The following EIF3B variants were observed in gnomAD, a reference collection of about 807,000 sequenced individuals.
EIF3B encodes eukaryotic translation initiation factor 3 subunit B, also known as eukaryotic translation initiation factor 3 subunit 9.
EIF3B carries 10 observed loss-of-function variants against 104.6 expected under a neutral mutation model. The observed-to-expected ratio is 0.10, with a 90% CI of 0.06 to 0.16. EIF3B has a LOEUF of 0.16. Ranked by LOEUF, EIF3B falls within the 10% of genes least tolerant of loss-of-function variation. EIF3B has a pLI of 1.00. For synonymous variants in EIF3B, 542 were observed against 417.2 expected (o/e 1.30, Z -3.65); for missense variants, 1,014 against 1,087.9 (o/e 0.93, Z 0.96).
At chr7:2,379,101 C>G in intron 16 of EIF3B, 33 bp from the exon 17 acceptor site, 1 of 1,594,082 alleles carries the variant, frequency 6.3e-7, no homozygotes, top group East Asian at 2.2e-5. Context: ...ACTTGTCTTA[C>G]CAGTTCTGTG....
At chr7:2,362,913 GC>G in intron 3 of EIF3B, 149 bp downstream of exon 3, 1 of 1,437,082 alleles carries the variant, frequency 7.0e-7, no homozygotes. Flanking sequence ...TCACAGCCCT[GC>G]CCCACACTTC....
At position 2,362,764 on chromosome 7, in the gene EIF3B, A is replaced by G; in HGVS notation, c.812A>G (p.Lys271Arg). The G allele has an allele frequency of 1.2e-6, 2 of 1,614,176 alleles. No homozygotes were observed. Among genetic ancestry groups the G allele is most frequent in the Non-Finnish European group, 1.7e-6 (2 of 1,180,030 alleles). ...GTCAACCTCTTTACGGATTTTGACA[A>G]GTGAGTTCAGACTTGGCCACAAGGA... ...FRVNLFTDFD[K>R]YMTISDEWDI... Residue 271 changes from lysine to arginine, a missense_variant and splice_region_variant, in exon 3 of 19, where the codon AAG becomes AGG. Physicochemically the swap from Lys to Arg is conservative, Grantham distance 26. This residue lies in a region of EIF3B where 488 missense variants were observed against 404.3 expected (regional missense o/e 1.21). Coordinates refer to ENST00000360876, the MANE Select transcript of EIF3B (RefSeq NM_001037283.2).
chr7:2,358,017 T>A (rs1347384701), intron 1 of EIF3B, among the ~76,000 whole-genome samples: 2 of 10,518 alleles, frequency 1.9e-4, no homozygotes, highest in African/African-American at 3.8e-4. Context: ...CTTTTTCCCT[T>A]TTTTTTTCTC....
chr7:2,377,455 CAAAGTG>C (rs893951216), intron 15 of EIF3B, among the ~76,000 whole-genome samples: 2 of 152,124 alleles, frequency 1.3e-5, no homozygotes, highest in Admixed American at 6.5e-5. Flanking sequence ...AAGTCCGTCT[CAAAGTG>C]AAAGATGGAG....
At chr7:2,368,599 G>A (rs574408426) in intron 9 of EIF3B, among the ~76,000 whole-genome samples, 10 of 152,260 alleles carry the variant, frequency 6.6e-5, no homozygotes, top group Non-Finnish European at 8.8e-5. Flanking sequence ...GCCTTGAGTC[G>A]GCTTCCTTCC....
rs1416061741 is a variant in EIF3B at position 2,362,669 on chromosome 7, C to T, written c.717C>T (p.Ser239=). 3.7e-6 allele frequency: 6 copies of T among 1,614,198 alleles called. No individual in the cohort carries two copies. The highest frequency in any genetic ancestry group is 1.1e-5 in the South Asian group (1 of 91,088). ...TKGYIFLEYA[S]PAHAVDAVKN... ...GGTATATTTTCCTGGAGTACGCGTC[C>T]CCTGCCCACGCTGTGGATGCTGTGA... Residue 239 remains serine (S), a synonymous_variant, in exon 3 of 19, where the codon TCC becomes TCT. Transcript: ENST00000360876.
At position 2,363,724 on chromosome 7, in the gene EIF3B, T is replaced by C; in HGVS notation, c.963T>C (p.Asn321=). 1 of 1,614,104 alleles carries C rather than the reference T, an allele frequency of 6.2e-7. No homozygotes were observed. Among genetic ancestry groups the C allele is most frequent in the Non-Finnish European group, 8.5e-7 (1 of 1,180,002 alleles). Residue 321 remains asparagine, a synonymous_variant, in exon 5 of 19, where the codon AAT becomes AAC. Transcript: ENST00000360876. ...ESGDRTSIFW[N]DVKDPVSIEE... is the part of the protein sequence containing the mutation. Reference sequence around the variant, plus strand: ...GAGACCGCACTTCCATATTCTGGAATGACGTAAAAGACCCTGTCTCAATTG... The same window carrying C: ...GAGACCGCACTTCCATATTCTGGAACGACGTAAAAGACCCTGTCTCAATTG...
At chr7:2,365,030 G>A (rs1415090290) in intron 6 of EIF3B, among the ~76,000 whole-genome samples, 1 of 152,220 alleles carries the variant, frequency 6.6e-6, no homozygotes, top group Non-Finnish European at 1.5e-5. Flanking sequence ...CAGGCTCATT[G>A]CAACCCCAGC....
chr7:2,369,741 G>A lies in EIF3B; in HGVS notation c.1614+59G>A, dbSNP rs1428595358. The A allele has an allele frequency of 4.3e-6, 5 of 1,168,636 alleles. No individual in the cohort carries two copies. The East Asian group carries it at 7.2e-5, about 17-fold the overall frequency. 72.4% of individuals were successfully genotyped at this position (1,168,636 alleles called of 1,614,324 possible). On this transcript the variant is annotated intron_variant, in intron 10 of 18. Coordinates refer to ENST00000360876, the MANE Select transcript of EIF3B (RefSeq NM_001037283.2). ...TATCCTGAGCTCTGAAGTGGCCACC[G>A]TATTGTTTGGAGGGTGTTAATGGAT...
chr7:2,373,789 G>A (rs1029664641), intron 12 of EIF3B: 3 of 152,234 alleles, frequency 2.0e-5, no homozygotes, highest in Admixed American at 1.3e-4. Flanking sequence ...GTTTGGCATG[G>A]ACGCTGGGGC....
chr7:2,370,630 A>G (rs1780280825), intron 10 of EIF3B, among the ~76,000 whole-genome samples: 1 of 151,986 alleles, frequency 6.6e-6, no homozygotes, highest in Admixed American at 6.5e-5. Flanking sequence ...GTGTGTTCAG[A>G]GTTATGCAGC....
Position 2,377,025 on chromosome 7 carries a change from C to T in EIF3B, c.2104C>T (p.Leu702=). The change falls in exon 15 of 19, where the codon CTG becomes TTG. Residue 702 remains leucine, a synonymous_variant. Transcript: ENST00000360876. ...QKNNKDRFCQ[L]LWRPRPPTLL... ...GAACAACAAGGACCGCTTCTGCCAG[C>T]TGCTGTGGCGGCCCCGGCCTCCCAC... 6.2e-7 allele frequency: 1 copy of T among 1,613,860 alleles called. No individual in the cohort carries two copies.
At chr7:2,355,678 C>T (rs1273167219) in intron 1 of EIF3B, among the ~76,000 whole-genome samples, 1 of 152,158 alleles carries the variant, frequency 6.6e-6, no homozygotes, top group Non-Finnish European at 1.5e-5. Flanking sequence ...TGCATGACAA[C>T]CAGAAATCTG....
intron 1 of EIF3B, among the ~76,000 whole-genome samples, chr7:2,357,240 C>T (rs1779495504): frequency 2.0e-5 from 3 of 152,266 alleles, no homozygotes; most frequent in South Asian, 4.1e-4. Flanking sequence ...CAGGGTTGGC[C>T]AGGCTGGGTG....
At position 2,363,728 on chromosome 7, in the gene EIF3B, G is replaced by T. The variant is rs146798724; in HGVS notation, c.967G>T (p.Val323Leu). Residue 323 changes from valine (V) to leucine (L), a missense_variant, in exon 5 of 19, where the codon GTA (valine) becomes TTA (leucine). Around this residue, in one of 4 missense-constraint regions of EIF3B, gnomAD observed 201 missense variants for 240.7 expected, o/e 0.83. Coordinates refer to ENST00000360876, the MANE Select transcript of EIF3B (RefSeq NM_001037283.2). ...CCGCACTTCCATATTCTGGAATGAC[G>T]TAAAAGACCCTGTCTCAATTGAAGA... is the stretch of plus-strand genomic sequence containing the variant. ...GDRTSIFWND[V>L]KDPVSIEERA... 6 of 1,614,034 alleles carry T rather than the reference G, an allele frequency of 3.7e-6. No individual in the cohort carries two copies. Among genetic ancestry groups the T allele is most frequent in the Non-Finnish European group, 5.1e-6 (6 of 1,179,998 alleles).
chr7:2,358,304 G>A (rs912253688), intron 1 of EIF3B, among the ~76,000 whole-genome samples: 3 of 152,172 alleles, frequency 2.0e-5, no homozygotes, highest in Admixed American at 6.5e-5. Flanking sequence ...GGCTGGTCTC[G>A]AACTCCTGGC....
chr7:2,370,252 G>A (rs1197600901), intron 10 of EIF3B, among the ~76,000 whole-genome samples: 3 of 151,164 alleles, frequency 2.0e-5, no homozygotes, highest in Non-Finnish European at 3.0e-5. Context: ...CGAGGTGGGC[G>A]GATCATGAGG....
rs532767212 is a variant in EIF3B at position 2,379,308 on chromosome 7, C to T, written c.2341+66C>T. Reference sequence around the variant, plus strand: ...CGCTGCCCCTGGGCCCTGGTGCCCGCGGACTCCTGCGTTCCTTCCCACTGG... The same window carrying T: ...CGCTGCCCCTGGGCCCTGGTGCCCGTGGACTCCTGCGTTCCTTCCCACTGG... On this transcript the variant is annotated intron_variant, in intron 17 of 18. Coordinates refer to ENST00000360876, the MANE Select transcript of EIF3B (RefSeq NM_001037283.2). 18 of 1,550,170 alleles carry T rather than the reference C, an allele frequency of 1.2e-5. No individual in the cohort carries two copies. In the African/African-American group the frequency reaches 1.8e-4, roughly 15 times the overall value.
Position 2,355,252 on chromosome 7 carries a change from C to G in EIF3B, c.331C>G (p.Gln111Glu), listed in dbSNP as rs1271922015. 2.0e-6 allele frequency: 3 copies of G among 1,526,694 alleles called. No homozygotes were observed. Among genetic ancestry groups the G allele is most frequent in the Admixed American group, 2.0e-5 (1 of 50,548 alleles). The allele number at this position is 1,526,694 out of a possible 1,614,324, so 94.6% of individuals were successfully genotyped here. The change falls in exon 1 of 19, where the codon CAG becomes GAG. Residue 111 changes from glutamine to glutamate, a missense_variant. Around this residue, in one of 4 missense-constraint regions of EIF3B, gnomAD observed 488 missense variants for 404.3 expected, o/e 1.21. Transcript: ENST00000360876. Reference protein sequence around the residue: ...VPAQGEAPGEQARDERSDSRA... With the variant: ...VPAQGEAPGEEARDERSDSRA... ...GGCACAGGGCGAGGCCCCAGGAGAG[C>G]AGGCTCGGGACGAGCGCTCCGACAG...
Sources: gnomAD v4.1 joint callset for allele counts (sites outside exome capture counted in the v4.1 genomes callset) on GRCh38, gnomAD v4.1.1 for gene constraint, gnomAD v4.1.1 regional missense constraint, MANE v1.5 for transcripts, NCBI Gene and HGNC (gene_info 2026-07-23, HGNC 2026-07-21) for gene names.